GALNTL6: variants seen among roughly 807,000 people sequenced by gnomAD.
GALNTL6 encodes polypeptide N-acetylgalactosaminyltransferase like 6.
A neutral mutation model predicts 73.7 loss-of-function variants in GALNTL6; 46 were observed. The ratio of observed to expected loss-of-function variants is 0.62; its 90% CI spans 0.49 to 0.80. GALNTL6 has a LOEUF of 0.80. GALNTL6 is among the 30% of genes least tolerant of loss of function. The pLI, the probability that GALNTL6 is intolerant of heterozygous loss-of-function variation, is 0.00. For missense variants in GALNTL6, 604 were observed against 755.0 expected, an observed-to-expected ratio of 0.80 and a Z score of 2.34; for synonymous variants, 259 against 263.7, an observed-to-expected ratio of 0.98 and a Z score of 0.17.
chr4:172,170,109 C>T (rs1372363995), intron 2 of GALNTL6, among the ~76,000 whole-genome samples: 8 of 152,178 alleles, frequency 5.3e-5, no homozygotes, highest in African/African-American at 1.7e-4. Flanking sequence ...TGGCAGCTCC[C>T]ATGCCTGCAT....
chr4:172,096,106 G>GTGTGTGTGTGTA (rs1418085567), intron 2 of GALNTL6, among the ~76,000 whole-genome samples: 5 of 151,328 alleles, frequency 3.3e-5, no homozygotes, highest in Non-Finnish European at 5.9e-5. Flanking sequence ...GTGTGTGTGT[G>GTGTGTGTGTGTA]TGTATGTGTG....
Position 172,401,832 on chromosome 4 carries a change from A to G in GALNTL6, c.553+53143A>G, listed in dbSNP as rs914564343. ...AAGTTTTTATGTATTTGTCGTGGTAAAATCCAGTGAAGAATATTCTTAAGC... is the reference window on the plus strand; with the variant it reads ...AAGTTTTTATGTATTTGTCGTGGTAGAATCCAGTGAAGAATATTCTTAAGC... On this transcript the variant is annotated intron_variant, in intron 5 of 12. Coordinates refer to ENST00000506823, the MANE Select transcript of GALNTL6 (RefSeq NM_001034845.3). Among the ~76,000 whole-genome samples, 12 of 151,818 alleles carry G rather than the reference A, an allele frequency of 7.9e-5. No homozygotes were observed. The Admixed American group carries it at 7.9e-4, about 10-fold the overall frequency.
intron 2 of GALNTL6, among the ~76,000 whole-genome samples, chr4:172,157,832 A>C (rs971113497): frequency 1.3e-5 from 2 of 152,148 alleles, no homozygotes; most frequent in Non-Finnish European, 2.9e-5. Flanking sequence ...GTTTTTTATG[A>C]TTAGATTGTT....
At chr4:172,392,150 C>T (rs942177583) in intron 5 of GALNTL6, among the ~76,000 whole-genome samples, 8 of 151,926 alleles carry the variant, frequency 5.3e-5, no homozygotes, top group Admixed American at 1.3e-4. Flanking sequence ...CACCACACCC[C>T]CCTAATTTTC....
chr4:172,856,892 C>T (rs1744150924), intron 7 of GALNTL6, among the ~76,000 whole-genome samples: 1 of 152,180 alleles, frequency 6.6e-6, no homozygotes, highest in African/African-American at 2.4e-5. Flanking sequence ...CCCCATTACC[C>T]TCCATAATAG....
chr4:171,998,479 A>G (rs1441281573), intron 2 of GALNTL6, among the ~76,000 whole-genome samples: 1 of 152,112 alleles, frequency 6.6e-6, no homozygotes, highest in Non-Finnish European at 1.5e-5. Context: ...CCACTCTAAA[A>G]GTCTCATTTT....
chr4:172,096,420 A>G (rs1404598395), intron 2 of GALNTL6, among the ~76,000 whole-genome samples: 1 of 152,034 alleles, frequency 6.6e-6, no homozygotes. Flanking sequence ...TGATGAGTGC[A>G]TATTCTGGAT....
At chr4:172,248,108 T>C (rs1737722680) in intron 3 of GALNTL6, among the ~76,000 whole-genome samples, 1 of 152,196 alleles carries the variant, frequency 6.6e-6, no homozygotes, top group African/African-American at 2.4e-5. Flanking sequence ...TAAAGATGCC[T>C]TCAAATTTTT....
intron 2 of GALNTL6, among the ~76,000 whole-genome samples, chr4:172,168,612 CAA>C (rs1734710524): frequency 6.6e-6 from 1 of 151,122 alleles, no homozygotes; most frequent in Non-Finnish European, 1.5e-5. Flanking sequence ...GTGGTGGTAA[CAA>C]TGGCGATGCT....
intron 2 of GALNTL6, among the ~76,000 whole-genome samples, chr4:172,169,918 T>A (rs924627724): frequency 6.6e-5 from 10 of 152,184 alleles, no homozygotes; most frequent in Non-Finnish European, 1.5e-4. Flanking sequence ...ATTATATTAT[T>A]TGGTCATCAC....
intron 2 of GALNTL6, among the ~76,000 whole-genome samples, chr4:171,938,217 A>G (rs576891001): frequency 6.6e-6 from 1 of 152,182 alleles, no homozygotes; most frequent in East Asian, 1.9e-4. Flanking sequence ...GTCATTCCCC[A>G]GTCTCCAGCC....
chr4:171,846,150 C>T (rs1479302908), intron 2 of GALNTL6, among the ~76,000 whole-genome samples: 1 of 152,086 alleles, frequency 6.6e-6, no homozygotes, highest in African/African-American at 2.4e-5. Context: ...CCCATCATGT[C>T]AGTATAGTTT....
chr4:171,865,087 C>T (rs1359451633), intron 2 of GALNTL6, among the ~76,000 whole-genome samples: 1 of 151,576 alleles, frequency 6.6e-6, no homozygotes, highest in African/African-American at 2.4e-5. Flanking sequence ...CGGAGATTGC[C>T]GTGAACCGAG....
At chr4:172,218,833 G>A (rs1392187985) in intron 2 of GALNTL6, among the ~76,000 whole-genome samples, 1 of 151,770 alleles carries the variant, frequency 6.6e-6, no homozygotes, top group African/African-American at 2.4e-5. Context: ...GAGTGTTCAG[G>A]ATTTTTAATG....
chr4:172,526,619 G>T (rs777551315), intron 5 of GALNTL6, among the ~76,000 whole-genome samples: 3 of 152,054 alleles, frequency 2.0e-5, no homozygotes, highest in Non-Finnish European at 4.4e-5. Context: ...TGGCTTTCAT[G>T]AAAAGTTCTT....
At chr4:172,740,095 C>A (rs747444424) in intron 5 of GALNTL6, among the ~76,000 whole-genome samples, 18 of 151,986 alleles carry the variant, frequency 1.2e-4, no homozygotes, top group Admixed American at 2.6e-4. Flanking sequence ...ACCGTGTTTT[C>A]TGCTCCCTGG....
chr4:172,847,241 C>CT (rs146783356), intron 7 of GALNTL6, among the ~76,000 whole-genome samples: 4,008 of 152,264 alleles, frequency 0.026, 72 homozygotes, highest in Non-Finnish European at 0.042. Flanking sequence ...AAAGAGAACT[C>CT]TATCACGCTT....
intron 5 of GALNTL6, among the ~76,000 whole-genome samples, chr4:172,748,225 C>A (rs766846442): frequency 1.3e-5 from 2 of 152,038 alleles, no homozygotes; most frequent in South Asian, 2.1e-4. Flanking sequence ...GTGGACGGAG[C>A]CTCTCCCAGC....
intron 2 of GALNTL6, among the ~76,000 whole-genome samples, chr4:172,014,226 G>A (rs1741114746): frequency 6.6e-6 from 1 of 151,678 alleles, no homozygotes; most frequent in Non-Finnish European, 1.5e-5. Flanking sequence ...CTTTCTTTTG[G>A]GTATATGGTG....
Sources: gnomAD v4.1 joint callset for allele counts (sites outside exome capture counted in the v4.1 genomes callset) on GRCh38, gnomAD v4.1.1 for gene constraint, MANE v1.5 for transcripts, NCBI Gene and HGNC (gene_info 2026-07-23, HGNC 2026-07-21) for gene names.